ABAT: variants seen among roughly 807,000 people sequenced by gnomAD.
The protein encoded by ABAT is 4-aminobutyrate aminotransferase.
A neutral mutation model predicts 64.6 loss-of-function variants in ABAT; 45 were observed. That is an observed-to-expected ratio of 0.70 (90% CI 0.55 to 0.89). The LOEUF is 0.89. Among genes scored for constraint, ABAT ranks in the 40% least tolerant of loss-of-function variants. The pLI, the probability that ABAT is intolerant of heterozygous loss-of-function variation, is 0.00. For synonymous variants in ABAT, 297 were observed against 250.5 expected (o/e 1.19, Z -1.75); for missense variants, 633 against 658.4 (o/e 0.96, Z 0.42).
chr16:8,734,514 C>G (rs141982106), intron 1 of ABAT, among the ~76,000 whole-genome samples: 70 of 152,292 alleles, frequency 4.6e-4, no homozygotes, highest in African/African-American at 1.6e-3. Flanking sequence ...CACCACTTAA[C>G]CTCTCTGTGC....
intron 2 of ABAT, chr16:8,736,341 C>G (rs1299473743): frequency 5.8e-6 from 1 of 173,662 alleles, no homozygotes; most frequent in African/African-American, 2.4e-5. Context: ...TCGCCACCTC[C>G]TTTCTCTCTC....
At chr16:8,773,168 T>C (rs953977970) in intron 12 of ABAT, among the ~76,000 whole-genome samples, 80 of 131,026 alleles carry the variant, frequency 6.1e-4, no homozygotes, top group Middle Eastern at 3.8e-3. Context: ...ATTTTTTTTT[T>C]TGAGACAGAG....
At chr16:8,740,331 C>T (rs1378348066) in intron 2 of ABAT, among the ~76,000 whole-genome samples, 1 of 152,258 alleles carries the variant, frequency 6.6e-6, no homozygotes, top group African/African-American at 2.4e-5. Context: ...TCCTCTGGCT[C>T]AAGGTCTGTC....
intron 5 of ABAT, among the ~76,000 whole-genome samples, chr16:8,756,146 G>T (rs1051905244): frequency 3.9e-5 from 6 of 152,104 alleles, no homozygotes; most frequent in Admixed American, 3.3e-4. Context: ...CTTGAACCTG[G>T]GAGGCAGAGG....
chr16:8,774,651 T>A (rs1417589947), intron 12 of ABAT, among the ~76,000 whole-genome samples: 1 of 152,176 alleles, frequency 6.6e-6, no homozygotes, highest in Non-Finnish European at 1.5e-5. Flanking sequence ...TGGGTTTTTT[T>A]GGTCCAGCTT....
At chr16:8,736,443 C>T (rs2058939132) in intron 2 of ABAT, 1 of 154,400 alleles carries the variant, frequency 6.5e-6, no homozygotes, top group Admixed American at 6.4e-5. Flanking sequence ...AGGCGGTGGC[C>T]TCCACAGCCA....
chr16:8,686,179 CT>C (rs2057451639), intron 1 of ABAT, among the ~76,000 whole-genome samples: 1 of 152,244 alleles, frequency 6.6e-6, no homozygotes, highest in Non-Finnish European at 1.5e-5. Context: ...GTAAATAGCA[CT>C]CTGCTGGCTT....
chr16:8,769,295 C>T (rs183164476), intron 11 of ABAT, among the ~76,000 whole-genome samples: 2 of 152,178 alleles, frequency 1.3e-5, no homozygotes, highest in East Asian at 1.9e-4. Flanking sequence ...GGGCTGGGCA[C>T]GGTGGCTCCG....
rs112185375 is a variant in ABAT at position 8,685,515 on chromosome 16, CA to C, written c.-42+10815del. Among the ~76,000 whole-genome samples, 592 of 144,634 alleles carry C rather than the reference CA, an allele frequency of 4.1e-3. 5 individuals are homozygous for C. Among genetic ancestry groups the C allele is most frequent in the African/African-American group, 0.013 (533 of 39,518 alleles). The allele number at this position is 144,634 out of a possible 152,430, so 94.9% of individuals were successfully genotyped here. On this transcript the variant is annotated intron_variant, in intron 1 of 15. Transcript: ENST00000268251. ...CGAAACCCTGTCTCTGCTAAAAATA[CA>C]AAAAAAAAAATTAGCCTGGCGTGGC...
At chr16:8,697,009 G>A (rs867881117) in intron 1 of ABAT, among the ~76,000 whole-genome samples, 43 of 152,216 alleles carry the variant, frequency 2.8e-4, no homozygotes, top group African/African-American at 1.0e-3. Context: ...AACAAGAGAC[G>A]AGGAGCTTGC....
intron 2 of ABAT, among the ~76,000 whole-genome samples, chr16:8,741,628 G>A (rs141639353): frequency 1.7e-3 from 260 of 152,346 alleles, no homozygotes; most frequent in African/African-American, 5.8e-3. Flanking sequence ...AGATCCAAGA[G>A]AAGGTTTACT....
At chr16:8,732,552 C>T (rs1236422780) in intron 1 of ABAT, among the ~76,000 whole-genome samples, 4 of 151,640 alleles carry the variant, frequency 2.6e-5, no homozygotes, top group Non-Finnish European at 2.9e-5. Context: ...GGTCACAGAT[C>T]AACAGGATCC....
intron 11 of ABAT, among the ~76,000 whole-genome samples, chr16:8,770,992 CA>C (rs1253446153): frequency 9.9e-5 from 15 of 152,134 alleles, no homozygotes; most frequent in Admixed American, 6.5e-4. Flanking sequence ...ACTTACAGCA[CA>C]ATGCTCTAAA....
intron 6 of ABAT, among the ~76,000 whole-genome samples, chr16:8,758,930 C>CAGGT (rs2059719986): frequency 6.6e-6 from 1 of 151,896 alleles, no homozygotes; most frequent in Non-Finnish European, 1.5e-5. Flanking sequence ...GGTGAAACCC[C>CAGGT]GTCTCTACTA....
intron 6 of ABAT, among the ~76,000 whole-genome samples, chr16:8,758,142 C>G (rs1445509273): frequency 6.6e-6 from 1 of 152,178 alleles, no homozygotes; most frequent in African/African-American, 2.4e-5. Flanking sequence ...ACACTGTGTT[C>G]AGCACTTTAT....
chr16:8,690,416 G>C (rs578023430), intron 1 of ABAT, among the ~76,000 whole-genome samples: 1 of 152,306 alleles, frequency 6.6e-6, no homozygotes, highest in Admixed American at 6.5e-5. Flanking sequence ...TAAGTCACTT[G>C]CCTAAGACCA....
intron 2 of ABAT, chr16:8,738,474 T>G (rs148441810): frequency 2.2e-6 from 1 of 455,930 alleles, no homozygotes; most frequent in South Asian, 1.5e-5. Context: ...TTGCATTGAT[T>G]TGTCTCATCT....
At chr16:8,696,732 G>A (rs1050362108) in intron 1 of ABAT, among the ~76,000 whole-genome samples, 1 of 152,184 alleles carries the variant, frequency 6.6e-6, no homozygotes, top group Admixed American at 6.5e-5. Context: ...ACCATTACAG[G>A]AGTGAATAGG....
chr16:8,746,034 T>C lies in ABAT; in HGVS notation c.104T>C (p.Val35Ala), dbSNP rs1409088549. 8 of 1,614,012 alleles carry C rather than the reference T, an allele frequency of 5.0e-6. No individual in the cohort carries two copies. The highest frequency in any genetic ancestry group is 6.8e-6 in the Non-Finnish European group (8 of 1,179,998). Residue 35 changes from valine (V) to alanine (A), a missense_variant, in exon 3 of 16, where the codon GTC becomes GCC. Val to Ala is a moderately conservative substitution (Grantham distance 64). Transcript: ENST00000268251. The part of the protein sequence containing the change: ...SRHISQAAAK[V>A]DVEFDYDGPL... ...CACATTAGTCAAGCTGCAGCCAAAG[T>C]CGACGTTGAATTTGATTATGATGGG...
Sources: allele counts gnomAD v4.1 joint callset (sites outside exome capture counted in the v4.1 genomes callset), GRCh38; gene constraint gnomAD v4.1.1; transcripts MANE v1.5; gene names NCBI Gene and HGNC (gene_info 2026-07-23, HGNC 2026-07-21).